Variants in PKNOX1 observed in about 807,000 individuals in gnomAD.
PKNOX1 encodes the protein homeobox protein PKNOX1.
Under a neutral mutation model 51.9 loss-of-function variants are expected in PKNOX1, and 15 were observed. That is an observed-to-expected ratio of 0.29 (90% confidence interval 0.19 to 0.45). PKNOX1 has a LOEUF of 0.45. Ranked by LOEUF, PKNOX1 falls within the 20% of genes least tolerant of loss-of-function variation. The pLI is 1.00. For missense variants in PKNOX1, 462 were observed against 547.5 expected, an observed-to-expected ratio of 0.84 and a Z score of 1.56; for synonymous variants, 219 against 211.1, an observed-to-expected ratio of 1.04 and a Z score of -0.32.
intron 7 of PKNOX1, among the ~76,000 whole-genome samples, chr21:43,019,409 C>CAAA (rs112889279): frequency 4.2e-4 from 61 of 146,448 alleles, no homozygotes; most frequent in African/African-American, 7.0e-4. Context: ...ATAAAATAAA[C>CAAA]AAAAAAAAAA....
intron 1 of PKNOX1, among the ~76,000 whole-genome samples, chr21:42,979,303 AACACAG>A (rs150994674): frequency 0.014 from 2,157 of 152,330 alleles, 57 homozygotes; most frequent in African/African-American, 0.049. Flanking sequence ...ACCAAAATGT[AACACAG>A]ACACAAAGTG....
rs1183862301 is a variant in PKNOX1 at position 43,021,613 on chromosome 21, A to G, written c.849+182A>G. Among the ~76,000 whole-genome samples the G allele has an allele frequency of 4.6e-5, 7 of 152,210 alleles. No homozygotes were observed. The highest frequency in any genetic ancestry group is 1.7e-4 in the African/African-American group (7 of 41,456). Reference sequence around the variant, plus strand: ...CACTGCTGCAGGGAACTTGAAGGGCAATGAGGGCTGCCGTGAAGGAGCACC... The same window carrying G: ...CACTGCTGCAGGGAACTTGAAGGGCGATGAGGGCTGCCGTGAAGGAGCACC... On this transcript the variant is annotated intron_variant, in intron 8 of 10. Transcript: ENST00000291547. This position sits in a 1 kb window ranked among gnomAD's most constrained non-coding sequence, Gnocchi z 4.6.
intron 4 of PKNOX1, among the ~76,000 whole-genome samples, chr21:43,012,118 C>T (rs1444832747): frequency 6.6e-6 from 1 of 152,216 alleles, no homozygotes. Context: ...CTACGAATTC[C>T]TACCACCAGA....
chr21:42,983,907 A>T (rs974609315), intron 1 of PKNOX1, among the ~76,000 whole-genome samples: 1 of 151,866 alleles, frequency 6.6e-6, no homozygotes, highest in Non-Finnish European at 1.5e-5. Context: ...ATCCTAATGG[A>T]TTTGAGGTGG....
chr21:42,983,971 T>C (rs2059039154), intron 1 of PKNOX1, among the ~76,000 whole-genome samples: 1 of 152,154 alleles, frequency 6.6e-6, no homozygotes, highest in African/African-American at 2.4e-5. Flanking sequence ...ATGTGGAGCA[T>C]CTTTTCACAT....
intron 1 of PKNOX1, among the ~76,000 whole-genome samples, chr21:42,979,932 T>C: frequency 6.6e-6 from 1 of 152,228 alleles, no homozygotes; most frequent in East Asian, 1.9e-4. Context: ...GTCAGTGAAG[T>C]ATGACTTGTT....
At chr21:42,985,051 G>A (rs1297329263) in intron 1 of PKNOX1, among the ~76,000 whole-genome samples, 3 of 121,542 alleles carry the variant, frequency 2.5e-5, no homozygotes, top group South Asian at 2.9e-4. Flanking sequence ...GCAATGGCAC[G>A]ATCTCGGCTC....
chr21:42,987,404 A>AAAAAAAAATATATATATATATATATATAT, intron 1 of PKNOX1, among the ~76,000 whole-genome samples: 1 of 41,406 alleles, frequency 2.4e-5, no homozygotes, highest in African/African-American at 9.3e-5. Flanking sequence ...AAAAAAAAAA[A>AAAAAAAAATATATATATATATATATATAT]ATATATATAT....
Position 43,030,137 on chromosome 21 carries a change from G to T in PKNOX1, c.*36G>T. 4 of 1,456,576 alleles carry T rather than the reference G, an allele frequency of 2.7e-6. No individual in the cohort carries two copies. Among genetic ancestry groups the T allele is most frequent in the Non-Finnish European group, 2.8e-6 (3 of 1,061,350 alleles). The allele number at this position is 1,456,576 out of a possible 1,614,324, so 90.2% of individuals were successfully genotyped here. ...AGACGCACCTGACTTTTTGGAGTTT[G>T]CACAGCAAACATTTTACACAGTTTT... On this transcript the variant is annotated 3_prime_UTR_variant, in exon 11 of 11. Coordinates refer to ENST00000291547, the MANE Select transcript of PKNOX1 (RefSeq NM_004571.5).
Position 43,032,476 on chromosome 21 carries a change from G to C in PKNOX1, c.*2375G>C. 3.8e-6 allele frequency: 1 copy of C among 263,444 alleles called. No individual in the cohort carries two copies. The highest frequency in any genetic ancestry group is 3.9e-5 in the South Asian group (1 of 25,650). 16.3% of individuals were successfully genotyped at this position (263,444 alleles called of 1,614,324 possible). A position where few individuals can be genotyped will look rare whatever the true frequency, so the allele number is the denominator to read the frequency against. ...GAATTTAAGAGTGCTGCCCCTGCCC[G>C]GCGCAGTAGGGCGTGCCTCTAGTTC... On this transcript the variant is annotated 3_prime_UTR_variant, in exon 11 of 11. Coordinates refer to ENST00000291547, the MANE Select transcript of PKNOX1 (RefSeq NM_004571.5).
chr21:43,006,049 C>T (rs1978974076), intron 2 of PKNOX1, among the ~76,000 whole-genome samples: 1 of 152,232 alleles, frequency 6.6e-6, no homozygotes, highest in African/African-American at 2.4e-5. Flanking sequence ...AGGTTTCTCT[C>T]TTTTCACAAT....
At chr21:43,029,635 G>T (rs13052320) in intron 10 of PKNOX1, among the ~76,000 whole-genome samples, 1 of 151,242 alleles carries the variant, frequency 6.6e-6, no homozygotes, top group African/African-American at 2.4e-5. Flanking sequence ...GTTTCACCGT[G>T]TTCACCAGGA....
chr21:43,013,493 T>C (rs896297171), intron 5 of PKNOX1, among the ~76,000 whole-genome samples: 2 of 152,250 alleles, frequency 1.3e-5, no homozygotes, highest in South Asian at 2.1e-4. Context: ...CTTTCTTTTA[T>C]TTCTTCTGAA....
At chr21:43,009,306 A>G (rs1979137042) in intron 3 of PKNOX1, among the ~76,000 whole-genome samples, 1 of 151,864 alleles carries the variant, frequency 6.6e-6, no homozygotes, top group Non-Finnish European at 1.5e-5. Flanking sequence ...TAGCCGAGTC[A>G]TGGTGGTGCA....
intron 1 of PKNOX1, among the ~76,000 whole-genome samples, chr21:42,982,953 G>A (rs983765635): frequency 2.6e-5 from 4 of 151,636 alleles, no homozygotes; most frequent in Non-Finnish European, 5.9e-5. Context: ...GGGATTACAG[G>A]TGCCCACCAC....
intron 1 of PKNOX1, among the ~76,000 whole-genome samples, chr21:42,998,328 G>A (rs927393618): frequency 6.6e-6 from 1 of 152,100 alleles, no homozygotes; most frequent in African/African-American, 2.4e-5. Flanking sequence ...CCTCCCACCA[G>A]CTCCCTCCCA....
At chr21:42,983,426 A>G (rs1370525117) in intron 1 of PKNOX1, among the ~76,000 whole-genome samples, 1 of 152,158 alleles carries the variant, frequency 6.6e-6, no homozygotes, top group African/African-American at 2.4e-5. Flanking sequence ...CTCATTTACC[A>G]TAATGTCCTT....
intron 1 of PKNOX1, among the ~76,000 whole-genome samples, chr21:42,984,032 GC>G (rs1385906478): frequency 6.6e-6 from 1 of 151,834 alleles, no homozygotes; most frequent in African/African-American, 2.4e-5. Flanking sequence ...CAAGTCCTTT[GC>G]CCCTTTTTGA....
At chr21:43,000,838 G>A (rs1212576852) in intron 1 of PKNOX1, among the ~76,000 whole-genome samples, 1 of 152,182 alleles carries the variant, frequency 6.6e-6, no homozygotes, top group African/African-American at 2.4e-5. Context: ...AGCTATGATT[G>A]CAACATTGCA....
Sources: allele counts gnomAD v4.1 joint callset (sites outside exome capture counted in the v4.1 genomes callset), GRCh38; gene constraint gnomAD v4.1.1; non-coding constraint Gnocchi (gnomAD v3.1); transcripts MANE v1.5; gene names NCBI Gene and HGNC (gene_info 2026-07-23, HGNC 2026-07-21).